Variants in PCDHGB5 observed in about 807,000 individuals in gnomAD.
PCDHGB5 encodes protocadherin gamma-B5.
Under a neutral mutation model 62.9 loss-of-function variants are expected in PCDHGB5, and 48 were observed. The ratio of observed to expected loss-of-function variants is 0.76; its 90% CI spans 0.61 to 0.97. The LOEUF is 0.97. PCDHGB5 is among the 50% of genes least tolerant of loss of function. PCDHGB5 has a pLI of 0.00. For missense variants in PCDHGB5, 1,118 were observed against 1,198.6 expected (o/e 0.93, Z 0.99); for synonymous variants, 474 against 511.2 (o/e 0.93, Z 0.98).
chr5:141,427,626 C>T, intron 1 of PCDHGB5: 1 of 699,934 alleles, frequency 1.4e-6, no homozygotes, highest in Non-Finnish European at 2.6e-6. Flanking sequence ...CGACAATGCT[C>T]CGGTTTTCCA....
At chr5:141,433,273 A>T in intron 1 of PCDHGB5, 1 of 1,258,988 alleles carries the variant, frequency 7.9e-7, no homozygotes. Flanking sequence ...AGCTCACTGC[A>T]GCCTCAAACT....
At position 141,491,101 on chromosome 5, in the gene PCDHGB5, G is replaced by A. The variant is rs1270788252; in HGVS notation, c.2398-3706G>A. Reference sequence around the variant, plus strand: ...GTCCACAGCCCCAGGACTGTTCCTCGTGTCTACACACACTGGTGAGGTGCG... The same window carrying A: ...GTCCACAGCCCCAGGACTGTTCCTCATGTCTACACACACTGGTGAGGTGCG... On this transcript the variant is annotated intron_variant, in intron 1 of 3. Transcript: ENST00000617380. This position sits in a 1 kb window ranked among gnomAD's most constrained non-coding sequence, Gnocchi z 6.9. The A allele has an allele frequency of 8.1e-6, 13 of 1,614,102 alleles. No individual in the cohort carries two copies. In the East Asian group the frequency reaches 1.6e-4, roughly 19 times the overall value.
At chr5:141,409,741 G>A in intron 1 of PCDHGB5, 2 of 1,613,122 alleles carry the variant, frequency 1.2e-6, no homozygotes, top group Non-Finnish European at 1.7e-6. Context: ...AGAGCGGGGT[G>A]GTGTTCGCGC....
chr5:141,435,795 G>A (rs150143106), intron 1 of PCDHGB5, among the ~76,000 whole-genome samples: 16 of 152,032 alleles, frequency 1.1e-4, no homozygotes, highest in Admixed American at 2.0e-4. Flanking sequence ...GAAACATAAC[G>A]TCCCAATTAT....
Position 141,413,878 on chromosome 5 carries a change from A to G in PCDHGB5, c.2397+13354A>G, listed in dbSNP as rs752517949. ...ATCTGGCACTGTCCTTGTCAGTGTGACTGTCTTCGATGCAAATGACAACGC... is the reference window on the plus strand; with the variant it reads ...ATCTGGCACTGTCCTTGTCAGTGTGGCTGTCTTCGATGCAAATGACAACGC... On this transcript the variant is annotated intron_variant, in intron 1 of 3. Coordinates refer to ENST00000617380, the MANE Select transcript of PCDHGB5 (RefSeq NM_018925.3). 2.5e-6 allele frequency: 4 copies of G among 1,613,272 alleles called. No individual in the cohort carries two copies. The South Asian group carries it at 3.3e-5, about 13-fold the overall frequency.
chr5:141,429,913 T>C (rs1013990672), intron 1 of PCDHGB5, among the ~76,000 whole-genome samples: 29 of 152,238 alleles, frequency 1.9e-4, no homozygotes, highest in African/African-American at 7.0e-4. Context: ...TGAAATATAA[T>C]GTATTAATAG....
At chr5:141,405,603 T>A in intron 1 of PCDHGB5, 1 of 571,444 alleles carries the variant, frequency 1.7e-6, no homozygotes, top group Non-Finnish European at 3.1e-6. Flanking sequence ...CCAAGTAGAA[T>A]AACTGGGACT....
intron 1 of PCDHGB5, chr5:141,423,287 C>T: frequency 6.3e-7 from 1 of 1,586,406 alleles, no homozygotes; most frequent in South Asian, 1.1e-5. Flanking sequence ...AACTCTGAAA[C>T]CTCAGACCTC....
chr5:141,410,317 C>T lies in PCDHGB5; in HGVS notation c.2397+9793C>T, dbSNP rs527641698. ...CCTTAATCTCAGTGCTCTTCCTCCT[C>T]GCCGTGATTCTGGCCATTGCCTTGC... On this transcript the variant is annotated intron_variant, in intron 1 of 3. Coordinates refer to ENST00000617380, the MANE Select transcript of PCDHGB5 (RefSeq NM_018925.3). The T allele has an allele frequency of 2.7e-5, 43 of 1,614,010 alleles. No individual in the cohort carries two copies. In the East Asian group the frequency reaches 8.0e-4, roughly 30 times the overall value.
intron 1 of PCDHGB5, among the ~76,000 whole-genome samples, chr5:141,449,891 A>G (rs2098658520): frequency 6.6e-6 from 1 of 151,872 alleles, no homozygotes; most frequent in Non-Finnish European, 1.5e-5. Flanking sequence ...CAATATAATT[A>G]TTTAGCCTAT....
Position 141,490,389 on chromosome 5 carries a change from T to C in PCDHGB5, c.2398-4418T>C, listed in dbSNP as rs1221410350. The C allele has an allele frequency of 6.2e-7, 1 of 1,614,174 alleles. No homozygotes were observed. Among genetic ancestry groups the C allele is most frequent in the African/African-American group, 1.3e-5 (1 of 75,040 alleles). On this transcript the variant is annotated intron_variant, in intron 1 of 3. Transcript: ENST00000617380. The surrounding 1 kb of genome is among the most constrained non-coding windows in gnomAD (Gnocchi z 5.4). The stretch of plus-strand genomic sequence containing the variant: ...GAGACCGGGACTCAGGTAGAAATGG[T>C]GAAGTGAGCCTTGATATCTCTCCGG...
chr5:141,408,903 A>C, intron 1 of PCDHGB5: 1 of 1,613,512 alleles, frequency 6.2e-7, no homozygotes, highest in Non-Finnish European at 8.5e-7. Context: ...TCTGTCAAGG[A>C]TACCAATGAT....
In PCDHGB5 at chr5:141,408,231, G is replaced by A. The variant is rs775180708; in HGVS notation, c.2397+7707G>A. On this transcript the variant is annotated intron_variant, in intron 1 of 3. Coordinates refer to ENST00000617380, the MANE Select transcript of PCDHGB5 (RefSeq NM_018925.3). ...GGAGGGAGCTGCGCGCAGAGGCGCC[G>A]GGCCGGCCCGCGGCAGGTGCTATTT... 5 of 1,567,976 alleles carry A rather than the reference G, an allele frequency of 3.2e-6. No individual in the cohort carries two copies. In the African/African-American group the frequency reaches 5.4e-5, roughly 17 times the overall value.
At chr5:141,428,141 G>C (rs1314061143) in intron 1 of PCDHGB5, 2 of 1,596,500 alleles carry the variant, frequency 1.3e-6, no homozygotes, top group African/African-American at 2.7e-5. Context: ...GCCTGGGGCT[G>C]CACACGGGAA....
chr5:141,478,202 C>T, intron 1 of PCDHGB5: 1 of 1,614,074 alleles, frequency 6.2e-7, no homozygotes, highest in Non-Finnish European at 8.5e-7. Flanking sequence ...TTATCTACTT[C>T]TTTCTCTAAT....
At chr5:141,456,635 A>G (rs558958846) in intron 1 of PCDHGB5, among the ~76,000 whole-genome samples, 17 of 152,194 alleles carry the variant, frequency 1.1e-4, no homozygotes, top group Non-Finnish European at 2.2e-4. Context: ...CTTCTTTACT[A>G]CAGGTGTTAA....
chr5:141,423,236 C>G, intron 1 of PCDHGB5: 1 of 1,613,920 alleles, frequency 6.2e-7, no homozygotes, highest in Non-Finnish European at 8.5e-7. Flanking sequence ...GACAGCATCC[C>G]CGAAGTCCTG....
intron 1 of PCDHGB5, among the ~76,000 whole-genome samples, chr5:141,450,547 C>T (rs182695399): frequency 3.4e-4 from 51 of 150,496 alleles, no homozygotes; most frequent in African/African-American, 1.0e-3. Context: ...AATGCAGTGG[C>T]GCAGTCTCGG....
chr5:141,511,411 A>T lies in PCDHGB5; in HGVS notation c.*238A>T. On this transcript the variant is annotated 3_prime_UTR_variant, in exon 4 of 4. Transcript: ENST00000617380. ...GAACCCCCATCCAATCAACTGCTGTACCCATGGGGGTAGTGGGGTTACTGT... is the reference window on the plus strand; with the variant it reads ...GAACCCCCATCCAATCAACTGCTGTTCCCATGGGGGTAGTGGGGTTACTGT... 1.1e-6 allele frequency: 1 copy of T among 901,334 alleles called. No individual in the cohort carries two copies. Among genetic ancestry groups the T allele is most frequent in the Non-Finnish European group, 1.6e-6 (1 of 617,750 alleles). 55.8% of individuals were successfully genotyped at this position (901,334 alleles called of 1,614,324 possible).
Sources: allele counts gnomAD v4.1 joint callset (sites outside exome capture counted in the v4.1 genomes callset), GRCh38; gene constraint gnomAD v4.1.1; non-coding constraint Gnocchi (gnomAD v3.1); transcripts MANE v1.5; gene names NCBI Gene and HGNC (gene_info 2026-07-23, HGNC 2026-07-21).